The following PTPRN2 variants were observed in gnomAD, a reference collection of about 807,000 sequenced individuals.
PTPRN2 encodes receptor-type tyrosine-protein phosphatase N2.
In PTPRN2, 74 loss-of-function variants were observed where a neutral mutation model predicts 118.8. The observed-to-expected ratio is 0.62, with a 90% CI of 0.52 to 0.76. PTPRN2 has a LOEUF of 0.76. Ranked by LOEUF, PTPRN2 falls within the 30% of genes least tolerant of loss-of-function variation. PTPRN2 has a pLI of 0.00. For synonymous variants in PTPRN2, 641 were observed against 608.0 expected (o/e 1.05, Z -0.80); for missense variants, 1,481 against 1,394.4 (o/e 1.06, Z -0.99).
rs542372697 is a variant in PTPRN2 at position 157,619,627 on chromosome 7, G to A, written c.2344+1735C>T. Among the ~76,000 whole-genome samples the A allele has an allele frequency of 6.6e-6, 1 of 152,340 alleles. No homozygotes were observed. Among genetic ancestry groups the A allele is most frequent in the Admixed American group, 6.5e-5 (1 of 15,306 alleles). ...GATCTCTTTAGGGTTAAAACCCTCA[G>A]ACCTCATAGAAACTGGTCTGAACAC... On this transcript the variant is annotated intron_variant, in intron 15 of 22. Coordinates refer to ENST00000389418, the MANE Select transcript of PTPRN2 (RefSeq NM_002847.5). The surrounding 1 kb of genome is among the most constrained non-coding windows in gnomAD (Gnocchi z 5.3).
chr7:157,558,334 C>T (rs1413217998), intron 21 of PTPRN2, among the ~76,000 whole-genome samples: 1 of 152,180 alleles, frequency 6.6e-6, no homozygotes, highest in Admixed American at 6.5e-5. Flanking sequence ...TGCTGAGGTA[C>T]ATCCTGGAGC....
chr7:157,564,351 T>C (rs147429341), intron 21 of PTPRN2, among the ~76,000 whole-genome samples: 1 of 152,292 alleles, frequency 6.6e-6, no homozygotes, highest in African/African-American at 2.4e-5. Context: ...ACTCCTGACC[T>C]CAGGTGATCC....
In PTPRN2 at chr7:157,881,474, C is replaced by G. The variant is rs528342550; in HGVS notation, c.1788+17199G>C. Reference sequence around the variant, plus strand: ...CACCTTGATCTTGGACTTCAGCCACCAGGATTGTGAGCAATAAAGGTTTGT... The same window carrying G: ...CACCTTGATCTTGGACTTCAGCCACGAGGATTGTGAGCAATAAAGGTTTGT... On this transcript the variant is annotated intron_variant, in intron 12 of 22. Coordinates refer to ENST00000389418, the MANE Select transcript of PTPRN2 (RefSeq NM_002847.5). This position sits in a 1 kb window ranked among gnomAD's most constrained non-coding sequence, Gnocchi z 4.7. Among the ~76,000 whole-genome samples, 5 of 152,168 alleles carry G rather than the reference C, an allele frequency of 3.3e-5. No individual in the cohort carries two copies. The East Asian group carries it at 9.7e-4, about 29-fold the overall frequency.
rs575444761 is a variant in PTPRN2 at position 158,098,665 on chromosome 7, G to C, written c.1643+12164C>G. On this transcript the variant is annotated intron_variant, in intron 10 of 22. Transcript: ENST00000389418. Reference sequence around the variant, plus strand: ...TGGCATCTGCCAGTCCCACCATTTTGCTGAGACTCTGTGAAGGTGAATGGG... The same window carrying C: ...TGGCATCTGCCAGTCCCACCATTTTCCTGAGACTCTGTGAAGGTGAATGGG... 1.1e-4 allele frequency among the ~76,000 whole-genome samples: 17 copies of C among 152,308 alleles called. No homozygotes were observed. The South Asian group carries it at 3.5e-3, about 32-fold the overall frequency.
intron 3 of PTPRN2, among the ~76,000 whole-genome samples, chr7:158,268,059 T>C (rs559072051): frequency 1.3e-5 from 2 of 152,288 alleles, no homozygotes; most frequent in South Asian, 4.1e-4. Flanking sequence ...GACAGCCCAT[T>C]TGAGCGCTCT....
intron 2 of PTPRN2, among the ~76,000 whole-genome samples, chr7:158,459,761 G>A (rs576373485): frequency 1.3e-5 from 2 of 152,154 alleles, no homozygotes; most frequent in Admixed American, 6.5e-5. Context: ...AACATCCACA[G>A]TCTCCAGGAT....
rs1475752174 is a variant in PTPRN2, at chr7:158,276,383, CAACA to C, written c.277+40432_277+40435del. ...AGGCAGCACCCCCACACCCCGGCCC[CAACA>C]GGCTGTATCACCCCCCACACCCCGG... is the stretch of plus-strand genomic sequence containing the variant. On this transcript the variant is annotated intron_variant, in intron 3 of 22. Transcript: ENST00000389418. Among the ~76,000 whole-genome samples the C allele has an allele frequency of 2.5e-3, 47 of 18,678 alleles. 3 individuals carry two copies. Among genetic ancestry groups the C allele is most frequent in the African/African-American group, 5.8e-3 (43 of 7,388 alleles). The allele number at this position is 18,678 out of a possible 152,430, so 12.3% of individuals were successfully genotyped here.
intron 13 of PTPRN2, among the ~76,000 whole-genome samples, chr7:157,682,263 T>C (rs1383640791): frequency 5.3e-5 from 8 of 152,124 alleles, no homozygotes; most frequent in Non-Finnish European, 1.2e-4. Flanking sequence ...AGCGTTAGGC[T>C]TCACTGGACC....
At chr7:157,545,367 G>A (rs768359926) in intron 22 of PTPRN2, among the ~76,000 whole-genome samples, 8 of 148,678 alleles carry the variant, frequency 5.4e-5, no homozygotes, top group East Asian at 2.0e-4. Flanking sequence ...ATGGGGATGC[G>A]CAGTGTGTGG....
At chr7:158,524,524 A>AGTCGTCTGCCCTGGAGTGGAGTC (rs201117955) in intron 1 of PTPRN2, among the ~76,000 whole-genome samples, 2 of 122,816 alleles carry the variant, frequency 1.6e-5, no homozygotes, top group African/African-American at 3.2e-5. Flanking sequence ...CCTGGAGTGG[A>AGTCGTCTGCCCTGGAGTGGAGTC]GTCTGCCCTG....
intron 19 of PTPRN2, among the ~76,000 whole-genome samples, chr7:157,573,650 G>C (rs1799869461): frequency 6.6e-6 from 1 of 152,190 alleles, no homozygotes; most frequent in Admixed American, 6.5e-5. Flanking sequence ...ATGGATAGCT[G>C]GTCAGCTCCT....
At chr7:157,788,900 A>G (rs1286960633) in intron 12 of PTPRN2, among the ~76,000 whole-genome samples, 2 of 152,210 alleles carry the variant, frequency 1.3e-5, no homozygotes, top group Non-Finnish European at 2.9e-5. Flanking sequence ...CACCTCTCCA[A>G]TGCTGGGGAT....
chr7:158,485,293 C>T (rs1820926815), intron 2 of PTPRN2, among the ~76,000 whole-genome samples: 1 of 152,144 alleles, frequency 6.6e-6, no homozygotes, highest in South Asian at 2.1e-4. Flanking sequence ...CCCTGGGCTC[C>T]AGCGCTATGG....
chr7:158,327,997 G>T (rs1224587206), intron 2 of PTPRN2, among the ~76,000 whole-genome samples: 1 of 152,204 alleles, frequency 6.6e-6, no homozygotes, highest in East Asian at 1.9e-4. Flanking sequence ...AGTAATTACA[G>T]CTCAGAATCA....
intron 2 of PTPRN2, among the ~76,000 whole-genome samples, chr7:158,330,547 G>C (rs1230199395): frequency 1.7e-5 from 1 of 59,224 alleles, no homozygotes; most frequent in African/African-American, 5.6e-5. Flanking sequence ...GACACCCGCA[G>C]ACGTCACTCA....
chr7:158,529,414 G>A lies in PTPRN2; in HGVS notation c.113-39629C>T, dbSNP rs887071131. On this transcript the variant is annotated intron_variant, in intron 1 of 22. Coordinates refer to ENST00000389418, the MANE Select transcript of PTPRN2 (RefSeq NM_002847.5). This position sits in a 1 kb window ranked among gnomAD's most constrained non-coding sequence, Gnocchi z 4.7. Reference sequence around the variant, plus strand: ...GCCCAGGGGAGGCCAGCAGGAGGACGGACTCACCAGGACACCCCCAAGGAC... The same window carrying A: ...GCCCAGGGGAGGCCAGCAGGAGGACAGACTCACCAGGACACCCCCAAGGAC... Among the ~76,000 whole-genome samples, 5 of 152,186 alleles carry A rather than the reference G, an allele frequency of 3.3e-5. No homozygotes were observed. Among genetic ancestry groups the A allele is most frequent in the African/African-American group, 9.7e-5 (4 of 41,446 alleles).
chr7:158,054,328 A>T (rs1159957218), intron 11 of PTPRN2, among the ~76,000 whole-genome samples: 1 of 152,188 alleles, frequency 6.6e-6, no homozygotes, highest in Non-Finnish European at 1.5e-5. Context: ...CTGAAGTCCC[A>T]AAGTGGGACA....
At chr7:157,954,139 C>A (rs1051857008) in intron 11 of PTPRN2, among the ~76,000 whole-genome samples, 2 of 145,654 alleles carry the variant, frequency 1.4e-5, no homozygotes, top group African/African-American at 5.1e-5. Context: ...GTATGTGTGT[C>A]CATGTGGGTG....
intron 2 of PTPRN2, 134 bp downstream of exon 2, chr7:158,489,601 T>A: frequency 1.1e-6 from 1 of 876,632 alleles, no homozygotes; most frequent in Non-Finnish European, 1.6e-6. Flanking sequence ...CGGGGTTCCA[T>A]CCGCCTCCTC....
Sources: gnomAD v4.1 joint callset for allele counts (sites outside exome capture counted in the v4.1 genomes callset) on GRCh38, gnomAD v4.1.1 for gene constraint, Gnocchi (gnomAD v3.1) non-coding constraint, MANE v1.5 for transcripts, NCBI Gene and HGNC (gene_info 2026-07-23, HGNC 2026-07-21) for gene names.